The following PKD2 variants were observed in gnomAD, a reference collection of about 807,000 sequenced individuals.
PKD2 encodes polycystin-2.
Under a neutral mutation model 105.9 loss-of-function variants are expected in PKD2, and 48 were observed. That is an observed-to-expected ratio of 0.45 (90% CI 0.36 to 0.58). PKD2 has a LOEUF of 0.58. PKD2 is among the 20% of genes least tolerant of loss of function. The pLI is 0.00. For synonymous variants in PKD2, 464 were observed against 481.1 expected (o/e 0.96, Z 0.46); for missense variants, 1,078 against 1,255.3 (o/e 0.86, Z 2.13).
At chr4:88,055,085 GTCTACCAGCAGGGTTCACTA>G (rs1720274767) in intron 7 of PKD2, among the ~76,000 whole-genome samples, 1 of 152,136 alleles carries the variant, frequency 6.6e-6, no homozygotes, top group African/African-American at 2.4e-5. Flanking sequence ...AGGGTTCACT[GTCTACCAGCAGGGTTCACTA>G]TCTACCAACA....
At chr4:88,035,941 A>G in intron 2 of PKD2, 1 of 449,570 alleles carries the variant, frequency 2.2e-6, no homozygotes, top group South Asian at 2.1e-5. Context: ...AGTCCTAAAT[A>G]TCAAGTAAAC....
rs1202458397 is a variant in PKD2, at chr4:88,007,681, C to A, written c.-53C>A. ...AGAAAGGAACATGGCTCCTGAGGCGCACAGCGCCGAGCGCGGCGCCGCGCA... is the reference window on the plus strand; with the variant it reads ...AGAAAGGAACATGGCTCCTGAGGCGAACAGCGCCGAGCGCGGCGCCGCGCA... On this transcript the variant is annotated 5_prime_UTR_variant, in exon 1 of 15. Transcript: ENST00000237596. 1.7e-5 allele frequency: 19 copies of A among 1,106,816 alleles called. No homozygotes were observed. The highest frequency in any genetic ancestry group is 2.0e-5 in the Non-Finnish European group (18 of 904,896). 68.6% of individuals were successfully genotyped at this position (1,106,816 alleles called of 1,614,324 possible).
chr4:88,045,227 T>G (rs1727723839), intron 5 of PKD2, among the ~76,000 whole-genome samples: 1 of 152,246 alleles, frequency 6.6e-6, no homozygotes, highest in Admixed American at 6.5e-5. Context: ...AGAAATGACT[T>G]GACACTTGAA....
chr4:88,051,199 AAG>A (rs1720083891), intron 6 of PKD2, among the ~76,000 whole-genome samples: 1 of 152,056 alleles, frequency 6.6e-6, no homozygotes, highest in African/African-American at 2.4e-5. Context: ...AGAAATGAGC[AAG>A]AGAGAAGCCC....
chr4:88,070,484 G>A (rs1720968777), intron 13 of PKD2, among the ~76,000 whole-genome samples: 2 of 150,500 alleles, frequency 1.3e-5, no homozygotes, highest in South Asian at 4.2e-4. Context: ...CTGTATTGAT[G>A]TATCTTCAAG....
At chr4:88,048,192 T>C (rs1727844913) in intron 6 of PKD2, among the ~76,000 whole-genome samples, 2 of 152,222 alleles carry the variant, frequency 1.3e-5, no homozygotes, top group African/African-American at 4.8e-5. Flanking sequence ...ATGATAGCCA[T>C]TACCTTCTGA....
At chr4:88,062,271 T>C (rs1297631342) in intron 10 of PKD2, among the ~76,000 whole-genome samples, 1 of 152,256 alleles carries the variant, frequency 6.6e-6, no homozygotes, top group Admixed American at 6.5e-5. Context: ...AGCTGAAGGT[T>C]CATCACCTTC....
At chr4:88,036,388 C>A (rs761069600) in intron 3 of PKD2, 35 bp downstream of exon 3, 30 of 1,609,626 alleles carry the variant, frequency 1.9e-5, no homozygotes, top group Admixed American at 3.3e-5. Context: ...ACCTCTCTAT[C>A]ACAGAAAATT....
rs187673569 is a variant in PKD2 at position 88,035,891 on chromosome 4, C to T, written c.710-329C>T. 2.4e-4 allele frequency among the ~76,000 whole-genome samples: 36 copies of T among 152,064 alleles called. No individual in the cohort carries two copies. The South Asian group carries it at 6.4e-3, about 27-fold the overall frequency. Reference sequence around the variant, plus strand: ...CCTCACTGGCAGGGAGGATCTGAGCCGAGAGGTGGTGGAAGATGAAATCGA... The same window carrying T: ...CCTCACTGGCAGGGAGGATCTGAGCTGAGAGGTGGTGGAAGATGAAATCGA... On this transcript the variant is annotated intron_variant, in intron 2 of 14. Transcript: ENST00000237596.
chr4:88,038,133 C>CAA, intron 3 of PKD2, 118 bp from the exon 4 acceptor site: 1 of 1,077,452 alleles, frequency 9.3e-7, no homozygotes, highest in Non-Finnish European at 1.4e-6. Flanking sequence ...AAAACTCATT[C>CAA]TTATCACTCT....
intron 7 of PKD2, among the ~76,000 whole-genome samples, chr4:88,053,238 A>G (rs2110123555): frequency 6.6e-6 from 1 of 152,320 alleles, no homozygotes; most frequent in Non-Finnish European, 1.5e-5. Flanking sequence ...TGTCTAGGAC[A>G]GTGGAAATGT....
At chr4:88,054,550 G>A (rs1251679422) in intron 7 of PKD2, among the ~76,000 whole-genome samples, 3 of 151,602 alleles carry the variant, frequency 2.0e-5, no homozygotes, top group Admixed American at 2.0e-4. Flanking sequence ...CCTACAACAT[G>A]TGTCTCAGGC....
chr4:88,071,557 T>G (rs1353503221), intron 13 of PKD2, among the ~76,000 whole-genome samples: 5 of 152,050 alleles, frequency 3.3e-5, no homozygotes, highest in African/African-American at 1.2e-4. Context: ...TTTTGTTGTT[T>G]TGTTTTGTTG....
intron 13 of PKD2, among the ~76,000 whole-genome samples, chr4:88,070,593 TATATATATAGAGAGAGAGAGAG>T (rs1720986240): frequency 3.7e-5 from 4 of 108,480 alleles, no homozygotes; most frequent in Non-Finnish European, 7.6e-5. Context: ...TATATATATA[TATATATATAGAGAGAGAGAGAG>T]AGAGAGAGAG....
At chr4:88,014,269 AGT>A (rs749050627) in intron 1 of PKD2, among the ~76,000 whole-genome samples, 33 of 152,198 alleles carry the variant, frequency 2.2e-4, no homozygotes, top group Non-Finnish European at 4.6e-4. Flanking sequence ...GCGGGAGGTG[AGT>A]GTGAGCTGTC....
chr4:88,051,725 T>C (rs1720109090), intron 6 of PKD2, among the ~76,000 whole-genome samples: 1 of 152,244 alleles, frequency 6.6e-6, no homozygotes, highest in Non-Finnish European at 1.5e-5. Flanking sequence ...GTGTGTGTAA[T>C]GTATATGTGC....
intron 6 of PKD2, among the ~76,000 whole-genome samples, chr4:88,048,950 A>T (rs1727875152): frequency 6.6e-6 from 1 of 152,238 alleles, no homozygotes; most frequent in African/African-American, 2.4e-5. Context: ...GTTTGGAGCT[A>T]AAAGGATGCA....
intron 12 of PKD2, 112 bp downstream of exon 12, chr4:88,065,991 C>A (rs1175261529): frequency 2.9e-5 from 18 of 620,242 alleles, no homozygotes; most frequent in African/African-American, 2.7e-4. Context: ...CCCCACCACA[C>A]TCTCTCTCTC....
chr4:88,007,904 G>C lies in PKD2; in HGVS notation c.171G>C (p.Gln57His). The C allele has an allele frequency of 7.0e-7, 1 of 1,425,468 alleles. No individual in the cohort carries two copies. 88.3% of individuals were successfully genotyped at this position (1,425,468 alleles called of 1,614,324 possible). ...AGCGGGGCCTGGAGATCGAGATGCA[G>C]CGCATCCGGCAGGCGGCCGCGCGGG... ...CEQRGLEIEM[Q>H]RIRQAAARDP... The change falls in exon 1 of 15, where the codon CAG (glutamine) becomes CAC (histidine). Residue 57 changes from glutamine to histidine, a missense_variant. Coordinates refer to ENST00000237596, the MANE Select transcript of PKD2 (RefSeq NM_000297.4).
Sources: allele counts gnomAD v4.1 joint callset (sites outside exome capture counted in the v4.1 genomes callset), GRCh38; gene constraint gnomAD v4.1.1; transcripts MANE v1.5; gene names NCBI Gene and HGNC (gene_info 2026-07-23, HGNC 2026-07-21).